Variants in CERT1 observed in about 807,000 individuals in gnomAD.
The protein encoded by CERT1 is ceramide transfer protein.
In CERT1, 31 loss-of-function variants were observed where a neutral mutation model predicts 87.9. The observed-to-expected ratio is 0.35, with a 90% confidence interval of 0.27 to 0.48. The LOEUF (loss-of-function observed/expected upper bound fraction) is 0.48. Ranked by LOEUF, CERT1 falls within the 20% of genes least tolerant of loss-of-function variation. The pLI is 0.99. For missense variants in CERT1, 487 were observed against 758.0 expected, an observed-to-expected ratio of 0.64 and a Z score of 4.20; for synonymous variants, 289 against 250.9, an observed-to-expected ratio of 1.15 and a Z score of -1.44.
intron 1 of CERT1, 139 bp downstream of exon 1, chr5:75,510,973 C>A (rs1233842349): frequency 5.0e-6 from 6 of 1,209,676 alleles, no homozygotes; most frequent in African/African-American, 1.6e-5. Flanking sequence ...CCCGCCTCAT[C>A]CCTAGTCGCT....
intron 3 of CERT1, among the ~76,000 whole-genome samples, chr5:75,437,139 G>T (rs1764130689): frequency 6.6e-6 from 1 of 152,084 alleles, no homozygotes; most frequent in African/African-American, 2.4e-5. Flanking sequence ...CAGTATTAAT[G>T]AGTCTTAAAC....
At chr5:75,396,936 A>G (rs1580713266) in intron 11 of CERT1, among the ~76,000 whole-genome samples, 1 of 152,282 alleles carries the variant, frequency 6.6e-6, no homozygotes, top group East Asian at 1.9e-4. Flanking sequence ...TTTCCAGATA[A>G]CACAATGTTT....
chr5:75,507,943 CCAAT>C (rs1172925157), intron 1 of CERT1, among the ~76,000 whole-genome samples: 1 of 152,172 alleles, frequency 6.6e-6, no homozygotes, highest in Non-Finnish European at 1.5e-5. Flanking sequence ...TTCAACTATT[CCAAT>C]CAAATTATCC....
intron 5 of CERT1, among the ~76,000 whole-genome samples, chr5:75,420,860 T>C (rs1012830897): frequency 6.6e-6 from 1 of 152,116 alleles, no homozygotes; most frequent in South Asian, 2.1e-4. Flanking sequence ...TCTGGCTCTG[T>C]TGCCCAGCCT....
chr5:75,421,099 G>A (rs1354707145), intron 5 of CERT1, among the ~76,000 whole-genome samples: 2 of 152,180 alleles, frequency 1.3e-5, no homozygotes, highest in Non-Finnish European at 2.9e-5. Context: ...GTAAGCCACT[G>A]CACCCAGCCT....
At chr5:75,455,929 T>A (rs978276097) in intron 3 of CERT1, among the ~76,000 whole-genome samples, 1 of 152,146 alleles carries the variant, frequency 6.6e-6, no homozygotes, top group Non-Finnish European at 1.5e-5. Flanking sequence ...AGGGAGAAAA[T>A]AAAACACATA....
chr5:75,459,301 T>C (rs1034455986), intron 2 of CERT1, 120 bp from the exon 3 acceptor site: 4 of 612,924 alleles, frequency 6.5e-6, no homozygotes, highest in African/African-American at 3.7e-5. Context: ...TTACTTTTTA[T>C]TTTTCTGCTC....
chr5:75,504,800 G>A (rs2112471319), intron 2 of CERT1, among the ~76,000 whole-genome samples: 1 of 146,082 alleles, frequency 6.8e-6, no homozygotes, highest in East Asian at 2.0e-4. Flanking sequence ...TTCTTAACCA[G>A]TATGCTATTT....
intron 3 of CERT1, among the ~76,000 whole-genome samples, chr5:75,436,823 T>C (rs890985727): frequency 6.6e-6 from 1 of 152,150 alleles, no homozygotes; most frequent in South Asian, 2.1e-4. Context: ...CAGGCTGGAG[T>C]GCAGTGGCAG....
chr5:75,452,034 G>A (rs983836539), intron 3 of CERT1, among the ~76,000 whole-genome samples: 1 of 152,024 alleles, frequency 6.6e-6, no homozygotes, highest in Non-Finnish European at 1.5e-5. Flanking sequence ...CTTTCAAAAA[G>A]TGTTTTCCAC....
rs746765755 is a variant in CERT1, at chr5:75,403,092, T to A, written c.931-34A>T. The A allele has an allele frequency of 4.9e-6, 7 of 1,436,734 alleles. No individual in the cohort carries two copies. The African/African-American group carries it at 8.5e-5, about 18-fold the overall frequency. The allele number at this position is 1,436,734 out of a possible 1,614,324, so 89.0% of individuals were successfully genotyped here. A position where few individuals can be genotyped will look rare whatever the true frequency, so the allele number is the denominator to read the frequency against. The stretch of plus-strand genomic sequence containing the variant: ...ACACACAGTGGAGAAAAAAGCAGTT[T>A]ATTTAAAGAAACAGAAAACTCTGAT... On this transcript the variant is annotated intron_variant, in intron 8 of 16. Transcript: ENST00000643780.
intron 2 of CERT1, among the ~76,000 whole-genome samples, chr5:75,501,051 T>C (rs1167764482): frequency 1.3e-5 from 2 of 151,598 alleles, no homozygotes. Flanking sequence ...GGCAATGGCA[T>C]CACCTTGGCT....
intron 3 of CERT1, among the ~76,000 whole-genome samples, chr5:75,450,950 T>C (rs1460146681): frequency 2.0e-5 from 3 of 152,236 alleles, no homozygotes; most frequent in Non-Finnish European, 2.9e-5. Flanking sequence ...TCATGGGTCA[T>C]GATCCATAAC....
rs1010261949 is a variant in CERT1, at chr5:75,419,196, T to G, written c.679+145A>C. ...ATAATGTCAGAATGTGATTTTTACC[T>G]GCATGCCTTGGAAGATATTTTCACT... On this transcript the variant is annotated intron_variant, in intron 6 of 16. Transcript: ENST00000643780. 5.5e-6 allele frequency: 3 copies of G among 541,020 alleles called. No homozygotes were observed. The African/African-American group carries it at 5.8e-5, about 11-fold the overall frequency. The allele number at this position is 541,020 out of a possible 1,614,324, so 33.5% of individuals were successfully genotyped here. A position where few individuals can be genotyped will look rare whatever the true frequency, so the allele number is the denominator to read the frequency against.
At chr5:75,432,294 T>A (rs1763903079) in intron 3 of CERT1, among the ~76,000 whole-genome samples, 1 of 152,198 alleles carries the variant, frequency 6.6e-6, no homozygotes, top group African/African-American at 2.4e-5. Flanking sequence ...GACGTCGTAA[T>A]CCGCCTGCCT....
At chr5:75,492,344 C>T (rs1766839462) in intron 2 of CERT1, among the ~76,000 whole-genome samples, 1 of 151,974 alleles carries the variant, frequency 6.6e-6, no homozygotes, top group African/African-American at 2.4e-5. Flanking sequence ...GCCTGGACGG[C>T]AGCATTAGGC....
chr5:75,369,089 T>G (rs887933412), intron 17 of CERT1: 5 of 152,092 alleles, frequency 3.3e-5, no homozygotes, highest in African/African-American at 1.2e-4. Flanking sequence ...AACTTTTTTA[T>G]TTTTAGTAGA....
chr5:75,392,411 A>G (rs1762063826), intron 11 of CERT1, among the ~76,000 whole-genome samples: 2 of 152,246 alleles, frequency 1.3e-5, no homozygotes. Flanking sequence ...ATGAAGTACT[A>G]AATTACTGCA....
At chr5:75,437,768 T>TAAAAAAA (rs201506124) in intron 3 of CERT1, among the ~76,000 whole-genome samples, 48 of 110,564 alleles carry the variant, frequency 4.3e-4, no homozygotes, top group East Asian at 4.9e-4. Context: ...TCTGTCTCAT[T>TAAAAAAA]AAAAAAAAAA....
Sources: allele counts gnomAD v4.1 joint callset (sites outside exome capture counted in the v4.1 genomes callset), GRCh38; gene constraint gnomAD v4.1.1; transcripts MANE v1.5; gene names NCBI Gene and HGNC (gene_info 2026-07-23, HGNC 2026-07-21).